METTL16: variants seen among roughly 807,000 people sequenced by gnomAD.
METTL16 encodes methyltransferase 16, RNA N6-adenosine.
A neutral mutation model predicts 57.9 loss-of-function variants in METTL16; 19 were observed. The observed-to-expected ratio is 0.33, with a 90% CI of 0.23 to 0.48. METTL16 has a LOEUF of 0.48. Among genes scored for constraint, METTL16 ranks in the 20% least tolerant of loss-of-function variants. The pLI is 0.99. For missense variants in METTL16, 434 were observed against 691.5 expected, an observed-to-expected ratio of 0.63 and a Z score of 4.18; for synonymous variants, 246 against 255.6, an observed-to-expected ratio of 0.96 and a Z score of 0.36.
chr17:2,467,959 T>C, intron 4 of METTL16, 83 bp from the exon 5 acceptor site: 4 of 902,816 alleles, frequency 4.4e-6, no homozygotes, highest in Non-Finnish European at 7.3e-6. Flanking sequence ...AATGATTCTT[T>C]GGTCAACTGC....
intron 2 of METTL16, among the ~76,000 whole-genome samples, chr17:2,488,851 C>G (rs1316011571): frequency 6.6e-6 from 1 of 152,112 alleles, no homozygotes; most frequent in Non-Finnish European, 1.5e-5. Context: ...AATTAAGTGG[C>G]CTTAAATTAT....
At chr17:2,478,012 G>GTT (rs1356329610) in intron 2 of METTL16, 127 bp from the exon 3 acceptor site, 3 of 688,626 alleles carry the variant, frequency 4.4e-6, no homozygotes, top group Non-Finnish European at 7.5e-6. Flanking sequence ...CAGTTACACA[G>GTT]AGCACTCATC....
intron 2 of METTL16, 98 bp downstream of exon 2, chr17:2,502,106 A>C: frequency 7.6e-7 from 1 of 1,313,566 alleles, no homozygotes; most frequent in Non-Finnish European, 1.1e-6. Context: ...TGGGACGTTT[A>C]ATCAAATGTC....
At chr17:2,494,795 C>T (rs531034824) in intron 2 of METTL16, among the ~76,000 whole-genome samples, 9 of 151,864 alleles carry the variant, frequency 5.9e-5, no homozygotes, top group South Asian at 2.1e-4. Flanking sequence ...GTCAGGAGAT[C>T]GAGACCATCC....
intron 2 of METTL16, among the ~76,000 whole-genome samples, chr17:2,478,544 T>C (rs1185790001): frequency 2.0e-5 from 3 of 152,166 alleles, no homozygotes; most frequent in Non-Finnish European, 4.4e-5. Flanking sequence ...ATTGAATAGT[T>C]TCTAGTATAT....
chr17:2,487,717 A>G (rs925840759), intron 2 of METTL16, among the ~76,000 whole-genome samples: 2 of 152,160 alleles, frequency 1.3e-5, no homozygotes, highest in Non-Finnish European at 2.9e-5. Flanking sequence ...TAAAGATTAA[A>G]TGAGGGCAGA....
intron 4 of METTL16, 86 bp downstream of exon 4, chr17:2,473,438 A>T: frequency 7.0e-7 from 1 of 1,436,832 alleles, no homozygotes; most frequent in Non-Finnish European, 9.3e-7. Context: ...AAGTCTGTGT[A>T]TTAAAGAAAA....
chr17:2,473,775 G>C (rs2067251281), intron 3 of METTL16, 111 bp from the exon 4 acceptor site: 2 of 1,191,720 alleles, frequency 1.7e-6, no homozygotes, highest in Non-Finnish European at 2.3e-6. Context: ...GTCTCACTCT[G>C]TCGCCCAGGC....
intron 5 of METTL16, 24 bp from the exon 6 acceptor site, chr17:2,464,374 G>A (rs776434237): frequency 1.3e-6 from 2 of 1,576,596 alleles, no homozygotes; most frequent in Non-Finnish European, 8.6e-7. Context: ...AAAAACCCTG[G>A]TGAAAAATGT....
intron 6 of METTL16, among the ~76,000 whole-genome samples, chr17:2,450,435 G>GCTGGGAGCAGAGTGTGGACAGA (rs1490909180): frequency 6.6e-6 from 1 of 152,206 alleles, no homozygotes; most frequent in African/African-American, 2.4e-5. Flanking sequence ...GCTACAGGAA[G>GCTGGGAGCAGAGTGTGGACAGA]CTGGGAGCAG....
intron 1 of METTL16, among the ~76,000 whole-genome samples, chr17:2,504,944 G>GA (rs1005008360): frequency 1.3e-5 from 2 of 151,992 alleles, no homozygotes; most frequent in African/African-American, 4.8e-5. Flanking sequence ...ACCAAACTTT[G>GA]AAAAAATATC....
At chr17:2,428,568 T>A (rs28583220) in intron 8 of METTL16, among the ~76,000 whole-genome samples, 822 of 17,430 alleles carry the variant, frequency 0.047, 4 homozygotes, top group Middle Eastern at 0.077. Flanking sequence ...AAAAAAAATA[T>A]ATATATATAT....
chr17:2,426,093 G>A (rs1284184809), intron 8 of METTL16, among the ~76,000 whole-genome samples: 1 of 151,212 alleles, frequency 6.6e-6, no homozygotes, highest in African/African-American at 2.4e-5. Flanking sequence ...GTATTTGCAG[G>A]AAGAGAAGAG....
chr17:2,471,812 G>T (rs1007330580), intron 4 of METTL16, among the ~76,000 whole-genome samples: 32 of 151,908 alleles, frequency 2.1e-4, no homozygotes, highest in African/African-American at 7.5e-4. Flanking sequence ...AAAATAAGAA[G>T]GGATCAATAA....
intron 6 of METTL16, among the ~76,000 whole-genome samples, chr17:2,452,929 C>T (rs962116967): frequency 2.0e-5 from 3 of 152,024 alleles, no homozygotes; most frequent in African/African-American, 7.2e-5. Flanking sequence ...GGTGCAATCT[C>T]AGCTCACTGC....
intron 8 of METTL16, among the ~76,000 whole-genome samples, chr17:2,433,017 T>C (rs907484381): frequency 2.6e-5 from 4 of 152,174 alleles, no homozygotes; most frequent in African/African-American, 9.7e-5. Context: ...TTATCCACAG[T>C]ACCTCAGTTA....
Position 2,467,836 on chromosome 17 carries a change from A to C in METTL16, c.510T>G (p.Leu170=), listed in dbSNP as rs2067212433. ...CATAGATTATCTCAGATTCTTCTTT[A>C]AGAGCATCCATCAGGAGTGTCTTCT... The part of the protein sequence containing the change: ...VPQKTLLMDA[L]KEESEIIYDF... Residue 170 remains leucine (L), a synonymous_variant, in exon 5 of 10, where the codon CTT becomes CTG. Transcript: ENST00000263092. 5 of 1,614,190 alleles carry C rather than the reference A, an allele frequency of 3.1e-6. No individual in the cohort carries two copies. In the African/African-American group the frequency reaches 5.3e-5, roughly 17 times the overall value.
chr17:2,464,404 T>A (rs549258680), intron 5 of METTL16, 54 bp from the exon 6 acceptor site: 1 of 1,500,216 alleles, frequency 6.7e-7, no homozygotes, highest in Admixed American at 2.4e-5. Flanking sequence ...AAGAACCAAG[T>A]TTGAATGTAA....
At chr17:2,470,126 C>T (rs1035541561) in intron 4 of METTL16, among the ~76,000 whole-genome samples, 1 of 152,162 alleles carries the variant, frequency 6.6e-6, no homozygotes, top group African/African-American at 2.4e-5. Context: ...TTCACTAACA[C>T]TGAACTCATG....
Sources: allele counts gnomAD v4.1 joint callset (sites outside exome capture counted in the v4.1 genomes callset), GRCh38; gene constraint gnomAD v4.1.1; transcripts MANE v1.5; gene names NCBI Gene and HGNC (gene_info 2026-07-23, HGNC 2026-07-21).